Variants in MYO1E observed in about 807,000 individuals in gnomAD.
MYO1E encodes myosin IE.
In MYO1E, 68 loss-of-function variants were observed where a neutral mutation model predicts 151.1. That is an observed-to-expected ratio of 0.45 (90% CI 0.37 to 0.55). MYO1E has a LOEUF of 0.55. Among genes scored for constraint, MYO1E ranks in the 20% least tolerant of loss-of-function variants. The pLI is 0.00. For missense variants in MYO1E, 1,363 were observed against 1,389.3 expected (o/e 0.98, Z 0.30); for synonymous variants, 601 against 501.7 (o/e 1.20, Z -2.64).
chr15:59,369,447 T>A (rs1345837050), intron 1 of MYO1E, among the ~76,000 whole-genome samples: 1 of 152,226 alleles, frequency 6.6e-6, no homozygotes, highest in Non-Finnish European at 1.5e-5. Context: ...GGTTTCAGTC[T>A]ATCAGAGAGT....
Position 59,306,554 on chromosome 15 carries a change from G to A in MYO1E, c.4-34105C>T, listed in dbSNP as rs183663645. On this transcript the variant is annotated intron_variant, in intron 1 of 27. Coordinates refer to ENST00000288235, the MANE Select transcript of MYO1E (RefSeq NM_004998.4). ...GGAAAATATATGCCTCAGCTAAATG[G>A]CAAATTGCCATGGGGTTGCTCCACA... 2.4e-4 allele frequency among the ~76,000 whole-genome samples: 37 copies of A among 152,314 alleles called. No individual in the cohort carries two copies. The East Asian group carries it at 6.6e-3, about 27-fold the overall frequency.
In MYO1E at chr15:59,136,650, T is replaced by C. The variant is rs1208198833; in HGVS notation, c.*730A>G. 1.3e-5 allele frequency: 6 copies of C among 456,120 alleles called. No homozygotes were observed. The highest frequency in any genetic ancestry group is 9.3e-5 in the South Asian group (6 of 64,554). 28.3% of individuals were successfully genotyped at this position (456,120 alleles called of 1,614,324 possible). Reference sequence around the variant, plus strand: ...TGATCTGTTTTTATAAATGTACAGCTTGAAAAAAGATCCTTCTTGTAGTAA... The same window carrying C: ...TGATCTGTTTTTATAAATGTACAGCCTGAAAAAAGATCCTTCTTGTAGTAA... On this transcript the variant is annotated 3_prime_UTR_variant, in exon 28 of 28. Transcript: ENST00000288235.
intron 1 of MYO1E, among the ~76,000 whole-genome samples, chr15:59,331,727 T>C (rs2080699199): frequency 6.6e-6 from 1 of 152,232 alleles, no homozygotes. Context: ...TAGCACATCT[T>C]TAAAAAGTAT....
chr15:59,304,119 A>C (rs749627436), intron 1 of MYO1E, among the ~76,000 whole-genome samples: 2 of 151,106 alleles, frequency 1.3e-5, no homozygotes, highest in African/African-American at 2.4e-5. Context: ...AGTAGCTGGG[A>C]TTACAGGCAC....
At chr15:59,230,733 A>C (rs2080023007) in intron 6 of MYO1E, among the ~76,000 whole-genome samples, 1 of 152,240 alleles carries the variant, frequency 6.6e-6, no homozygotes, top group East Asian at 1.9e-4. Flanking sequence ...TTATATGAGC[A>C]CATAGTAAAA....
chr15:59,302,567 T>G (rs1353948823), intron 1 of MYO1E, among the ~76,000 whole-genome samples: 1 of 152,192 alleles, frequency 6.6e-6, no homozygotes, highest in Non-Finnish European at 1.5e-5. Flanking sequence ...TTATTGGATT[T>G]CACATGTCGT....
chr15:59,291,487 C>A (rs1567004914), intron 1 of MYO1E, among the ~76,000 whole-genome samples: 2 of 149,800 alleles, frequency 1.3e-5, no homozygotes, highest in East Asian at 3.9e-4. Context: ...AACAAACAAA[C>A]AAAAGCACAT....
chr15:59,366,858 G>A (rs1191891225), intron 1 of MYO1E, among the ~76,000 whole-genome samples: 1 of 151,770 alleles, frequency 6.6e-6, no homozygotes, highest in Non-Finnish European at 1.5e-5. Context: ...TAATACCTTT[G>A]GCATTTAACC....
chr15:59,315,871 T>TA (rs2080585712), intron 1 of MYO1E, among the ~76,000 whole-genome samples: 1 of 152,176 alleles, frequency 6.6e-6, no homozygotes, highest in Non-Finnish European at 1.5e-5. Context: ...CATAAAAACT[T>TA]GCAAAGGTGG....
chr15:59,175,137 G>C (rs549353589), intron 19 of MYO1E, among the ~76,000 whole-genome samples: 7 of 152,306 alleles, frequency 4.6e-5, no homozygotes, highest in African/African-American at 1.2e-4. Context: ...ACTAAGACTG[G>C]GTGGGGCTAG....
intron 17 of MYO1E, among the ~76,000 whole-genome samples, chr15:59,194,746 G>C (rs761305499): frequency 6.6e-6 from 1 of 152,102 alleles, no homozygotes; most frequent in Admixed American, 6.6e-5. Flanking sequence ...GTCTCCCAGC[G>C]GGCCACAAAA....
At chr15:59,281,571 C>T (rs1307866358) in intron 1 of MYO1E, among the ~76,000 whole-genome samples, 5 of 152,058 alleles carry the variant, frequency 3.3e-5, no homozygotes, top group Non-Finnish European at 7.4e-5. Flanking sequence ...CCACCGCGCC[C>T]GGCCCCCATG....
chr15:59,303,005 C>T (rs1001051669), intron 1 of MYO1E, among the ~76,000 whole-genome samples: 1 of 152,098 alleles, frequency 6.6e-6, no homozygotes, highest in East Asian at 1.9e-4. Context: ...GGTGAGAATA[C>T]CCCTCAGAAT....
intron 1 of MYO1E, among the ~76,000 whole-genome samples, chr15:59,333,497 C>T (rs1346599998): frequency 6.6e-6 from 1 of 152,182 alleles, no homozygotes; most frequent in East Asian, 1.9e-4. Flanking sequence ...CCTGTCTCGG[C>T]CTCCCAAACT....
rs1291124805 is a variant in MYO1E at position 59,372,479 on chromosome 15, C to T, written c.3+19G>A. On this transcript the variant is annotated intron_variant, in intron 1 of 27. Coordinates refer to ENST00000288235, the MANE Select transcript of MYO1E (RefSeq NM_004998.4). ...CGTCCCCGGGTCCGGCGTCCTAGGA[C>T]GCGGCGCGGCCAACTCACCATGGTG... The T allele has an allele frequency of 1.2e-5, 19 of 1,538,526 alleles. No individual in the cohort carries two copies. The highest frequency in any genetic ancestry group is 1.6e-5 in the Non-Finnish European group (18 of 1,145,152).
intron 4 of MYO1E, 21 bp from the exon 5 acceptor site, chr15:59,236,693 A>G: frequency 6.3e-7 from 1 of 1,589,120 alleles, no homozygotes; most frequent in East Asian, 2.2e-5. Flanking sequence ...ACAGACAAAG[A>G]ATCCACCTGA....
intron 4 of MYO1E, among the ~76,000 whole-genome samples, chr15:59,251,816 C>A (rs1015702776): frequency 3.3e-5 from 5 of 152,098 alleles, no homozygotes; most frequent in Non-Finnish European, 5.9e-5. Context: ...AATAAATGAA[C>A]CCAACTGTAG....
chr15:59,328,345 G>T (rs2080678544), intron 1 of MYO1E, among the ~76,000 whole-genome samples: 2 of 152,060 alleles, frequency 1.3e-5, no homozygotes, highest in Non-Finnish European at 2.9e-5. Flanking sequence ...TTGATCCATT[G>T]CCAGGCTCAA....
At chr15:59,324,672 C>A (rs928689002) in intron 1 of MYO1E, among the ~76,000 whole-genome samples, 12 of 151,420 alleles carry the variant, frequency 7.9e-5, no homozygotes, top group African/African-American at 1.7e-4. Flanking sequence ...AGCCCCCCCC[C>A]CACAGAGGGC....
Sources: gnomAD v4.1 joint callset for allele counts (sites outside exome capture counted in the v4.1 genomes callset) on GRCh38, gnomAD v4.1.1 for gene constraint, MANE v1.5 for transcripts, NCBI Gene and HGNC (gene_info 2026-07-23, HGNC 2026-07-21) for gene names.